Variants in ALOXE3 observed in about 807,000 individuals in gnomAD.
The protein encoded by ALOXE3 is arachidonate epidermal lipoxygenase 3, also known as hydroperoxide isomerase ALOXE3.
A neutral mutation model predicts 87.5 loss-of-function variants in ALOXE3; 78 were observed. The observed-to-expected ratio is 0.89, with a 90% CI of 0.74 to 1.08. The LOEUF (loss-of-function observed/expected upper bound fraction) is 1.08, where lower values mean the gene tolerates loss of function less well. Among genes scored for constraint, ALOXE3 ranks in the 50% least tolerant of loss-of-function variants. The pLI is 0.00. For missense variants in ALOXE3, 946 were observed against 912.4 expected (o/e 1.04, Z -0.47); for synonymous variants, 363 against 370.8 (o/e 0.98, Z 0.24).
chr17:8,104,788 G>A (rs1380962293), intron 13 of ALOXE3, among the ~76,000 whole-genome samples: 1 of 152,190 alleles, frequency 6.6e-6, no homozygotes, highest in East Asian at 1.9e-4. Flanking sequence ...CTTGTGAGTT[G>A]AAAGATGGAT....
At position 8,112,191 on chromosome 17, in the gene ALOXE3, A is replaced by G. The variant is rs753163272; in HGVS notation, c.686T>C (p.Leu229Ser). The G allele has an allele frequency of 6.2e-7, 1 of 1,613,622 alleles. No individual in the cohort carries two copies. Among genetic ancestry groups the G allele is most frequent in the East Asian group, 2.2e-5 (1 of 44,872 alleles). The change falls in exon 7 of 16, where the codon TTG becomes TCG. Residue 229 changes from leucine (L) to serine (S), a missense_variant. Physicochemically the swap from Leu to Ser is moderately radical, Grantham distance 145 (BLOSUM62 -2). Transcript: ENST00000448843. ...CAACAGCCCTCGAAGCTTCATTCCC[A>G]AGGACCTGATGGGAGAGGAAAAGAT... ...SLLFNAIPAS[L>S]GMKLRGLLDR...
chr17:8,107,220 C>T (rs1386815509), intron 13 of ALOXE3, among the ~76,000 whole-genome samples: 2 of 152,094 alleles, frequency 1.3e-5, no homozygotes, highest in Non-Finnish European at 2.9e-5. Context: ...AAGGGTCACC[C>T]TTTAAAAACT....
At chr17:8,105,625 T>C (rs1979242888) in intron 13 of ALOXE3, among the ~76,000 whole-genome samples, 1 of 152,132 alleles carries the variant, frequency 6.6e-6, no homozygotes, top group Non-Finnish European at 1.5e-5. Context: ...ATTGGTTGAA[T>C]GAAGGAATGC....
intron 13 of ALOXE3, among the ~76,000 whole-genome samples, chr17:8,106,096 C>T (rs1314876994): frequency 1.3e-5 from 2 of 151,544 alleles, no homozygotes; most frequent in African/African-American, 4.9e-5. Context: ...GGGCAAGCAG[C>T]GAGAGGCTGG....
Position 8,101,478 on chromosome 17 carries a change from G to A in ALOXE3, c.1956+1845C>T, listed in dbSNP as rs548037530. On this transcript the variant is annotated intron_variant, in intron 15 of 15. Transcript: ENST00000448843. ...AAATTTCCAAGTTAAACTTTCTATA[G>A]TTTATAGGAGAGAGCCCTCCACCCT... Among the ~76,000 whole-genome samples, 3 of 152,164 alleles carry A rather than the reference G, an allele frequency of 2.0e-5. No individual in the cohort carries two copies. The East Asian group carries it at 5.8e-4, about 29-fold the overall frequency.
At position 8,114,549 on chromosome 17, in the gene ALOXE3, G is replaced by A. The variant is rs757915100; in HGVS notation, c.615C>T (p.Tyr205=). ...PMKIDIPSLM[Y]MEPNVRYSAT... is the part of the protein sequence containing the mutation. ...CTGAGTATCGAACATTGGGCTCCAT[G>A]TACATCAGGGATGGGATGTCAATTT... Residue 205 remains tyrosine (Y), a synonymous_variant, in exon 6 of 16, where the codon TAC becomes TAT. Transcript: ENST00000448843. 1.9e-6 allele frequency: 3 copies of A among 1,613,946 alleles called. No individual in the cohort carries two copies. The highest frequency in any genetic ancestry group is 1.3e-5 in the African/African-American group (1 of 74,858).
intron 15 of ALOXE3, among the ~76,000 whole-genome samples, chr17:8,098,228 G>GT (rs201308859): frequency 0.011 from 933 of 88,120 alleles, 19 homozygotes; most frequent in African/African-American, 0.026. Context: ...TATACTTTTG[G>GT]TTTTTGTTTT....
intron 15 of ALOXE3, among the ~76,000 whole-genome samples, chr17:8,098,325 G>A (rs1051312381): frequency 1.2e-4 from 14 of 114,958 alleles, no homozygotes; most frequent in African/African-American, 3.1e-4. Flanking sequence ...TGCAACCTCC[G>A]TCTCCCGGGA....
intron 12 of ALOXE3, 68 bp downstream of exon 12, chr17:8,109,106 G>T (rs746832227): frequency 1.9e-6 from 3 of 1,593,046 alleles, no homozygotes; most frequent in East Asian, 2.2e-5. Context: ...CGCCATGAGC[G>T]CAGGGACCAC....
At chr17:8,105,829 C>T (rs1201880913) in intron 13 of ALOXE3, among the ~76,000 whole-genome samples, 1 of 145,294 alleles carries the variant, frequency 6.9e-6, no homozygotes, top group Non-Finnish European at 1.5e-5. Context: ...GCATGAGGAT[C>T]ACTTGAGCCT....
intron 15 of ALOXE3, among the ~76,000 whole-genome samples, chr17:8,098,734 T>G (rs1297420349): frequency 1.3e-5 from 2 of 152,200 alleles, no homozygotes; most frequent in Non-Finnish European, 2.9e-5. Context: ...TTCCTTTCAT[T>G]CCTAGAATAA....
chr17:8,110,416 G>GGGCT lies in ALOXE3; in HGVS notation c.1066_1069dup (p.Pro357GlnfsTer20). The GGGCT allele has an allele frequency of 1.9e-6, 3 of 1,611,104 alleles. No individual in the cohort carries two copies. In the South Asian group the frequency reaches 3.3e-5, roughly 18 times the overall value. ...GGCCAAGGGCACCAGCGCCCCCTGG[G>GGGCT]GGCTGAGCCACAGCAGGCACAGTGG... is the stretch of plus-strand genomic sequence containing the variant. On this transcript the variant is annotated frameshift_variant, in exon 9 of 16. Transcript: ENST00000448843. LOFTEE classifies it high-confidence loss of function.
At chr17:8,117,009 A>G in intron 2 of ALOXE3, 29 bp from the exon 3 acceptor site, 1 of 1,604,902 alleles carries the variant, frequency 6.2e-7, no homozygotes, top group East Asian at 2.2e-5. Flanking sequence ...CAAGCAGGTG[A>G]GAGGCGGGGA....
chr17:8,115,685 C>A lies in ALOXE3; in HGVS notation c.356G>T (p.Arg119Ile). Residue 119 changes from arginine to isoleucine, a missense_variant, in exon 4 of 16, where the codon AGA (arginine) becomes ATA (isoleucine). Coordinates refer to ENST00000448843, the MANE Select transcript of ALOXE3 (RefSeq NM_021628.3). The stretch of plus-strand genomic sequence containing the variant: ...GGGAAGAGAGTCCTGACAAATAGTT[C>A]TTGCTGTGGGGAATGAAAATTACTC... ...CTVELRPGTA[R>I]TICQDSLPLL... 6.2e-7 allele frequency: 1 copy of A among 1,613,194 alleles called. No homozygotes were observed. The highest frequency in any genetic ancestry group is 1.1e-5 in the South Asian group (1 of 91,062).
At position 8,111,770 on chromosome 17, in the gene ALOXE3, G is replaced by A. The variant is rs140788546; in HGVS notation, c.785-239C>T. On this transcript the variant is annotated intron_variant, in intron 7 of 15. Transcript: ENST00000448843. ...TAAGCCTTTCTGGACCCAAAGCCCG[G>A]AGCACTTGGTGGTTGGAGTAGGGGA... Among the ~76,000 whole-genome samples, 467 of 152,314 alleles carry A rather than the reference G, an allele frequency of 3.1e-3. 3 individuals carry two copies. Among genetic ancestry groups the A allele is most frequent in the African/African-American group, 0.011 (442 of 41,542 alleles).
chr17:8,114,860 T>C (rs973370848), intron 5 of ALOXE3, 78 bp downstream of exon 5: 8 of 1,598,094 alleles, frequency 5.0e-6, no homozygotes, highest in Non-Finnish European at 6.8e-6. Context: ...CCCTCCTTCC[T>C]GGCTATCAGG....
chr17:8,114,814 A>T (rs955057496), intron 5 of ALOXE3, 124 bp downstream of exon 5: 1 of 1,507,806 alleles, frequency 6.6e-7, no homozygotes, highest in South Asian at 1.1e-5. Context: ...TCCCATCCTG[A>T]TGCTTGAATG....
At chr17:8,108,429 C>T (rs1339274474) in intron 13 of ALOXE3, 39 bp downstream of exon 13, 1 of 1,608,376 alleles carries the variant, frequency 6.2e-7, no homozygotes, top group Admixed American at 1.7e-5. Context: ...AGTGCTAGCT[C>T]ATCAGAGCTA....
At chr17:8,117,017 G>T (rs748376359) in intron 2 of ALOXE3, 37 bp from the exon 3 acceptor site, 10 of 1,597,644 alleles carry the variant, frequency 6.3e-6, no homozygotes, top group Non-Finnish European at 8.5e-6. Context: ...TGAGAGGCGG[G>T]GAACTGCCAA....
Sources: allele counts gnomAD v4.1 joint callset (sites outside exome capture counted in the v4.1 genomes callset), GRCh38; gene constraint gnomAD v4.1.1; transcripts MANE v1.5; gene names NCBI Gene and HGNC (gene_info 2026-07-23, HGNC 2026-07-21).